FHIT: variants seen among roughly 807,000 people sequenced by gnomAD.
FHIT encodes fragile histidine triad diadenosine triphosphatase, also known as bis(5'-adenosyl)-triphosphatase.
Under a neutral mutation model 17.9 loss-of-function variants are expected in FHIT, and 19 were observed. That is an observed-to-expected ratio of 1.06 (90% CI 0.74 to 1.56). FHIT has a LOEUF of 1.56. FHIT is among the 40% of genes most tolerant of loss of function. FHIT has a pLI of 0.00. For missense variants in FHIT, 248 were observed against 189.2 expected (o/e 1.31, Z -1.82); for synonymous variants, 81 against 69.7 (o/e 1.16, Z -0.81).
intron 5 of FHIT, among the ~76,000 whole-genome samples, chr3:60,107,150 C>CTTTTTTTT (rs540311961): frequency 2.1e-5 from 2 of 95,158 alleles, no homozygotes; most frequent in African/African-American, 8.3e-5. Context: ...AGCTTTAATT[C>CTTTTTTTT]TTTTTTTTTT....
intron 5 of FHIT, among the ~76,000 whole-genome samples, chr3:60,032,427 A>G (rs1012251782): frequency 3.3e-5 from 5 of 151,628 alleles, no homozygotes; most frequent in African/African-American, 9.7e-5. Flanking sequence ...ACTCCAGCCT[A>G]GGTGAAGGAG....
chr3:60,736,156 T>C (rs1317415543), intron 4 of FHIT, among the ~76,000 whole-genome samples: 3 of 152,226 alleles, frequency 2.0e-5, no homozygotes, highest in Admixed American at 6.5e-5. Context: ...AAGTGTTTTC[T>C]AGGCTGTGGA....
At chr3:60,015,456 T>C (rs1700306874) in intron 5 of FHIT, among the ~76,000 whole-genome samples, 1 of 152,194 alleles carries the variant, frequency 6.6e-6, no homozygotes, top group African/African-American at 2.4e-5. Context: ...AAGATAATTA[T>C]CCATCTTTGG....
rs542580463 is a variant in FHIT, at chr3:59,957,677, G to A, written c.280-35263C>T. Among the ~76,000 whole-genome samples the A allele has an allele frequency of 3.9e-5, 6 of 152,242 alleles. No individual in the cohort carries two copies. The South Asian group carries it at 1.0e-3, about 26-fold the overall frequency. The stretch of plus-strand genomic sequence containing the variant: ...TCACTGAGAAAAATATGTCTCAGTG[G>A]CACTTACAGTGCTTTTCACCTGTAA... On this transcript the variant is annotated intron_variant, in intron 7 of 9. Coordinates refer to ENST00000492590, the MANE Select transcript of FHIT (RefSeq NM_002012.4).
intron 4 of FHIT, among the ~76,000 whole-genome samples, chr3:60,719,906 A>AT (rs1396219189): frequency 6.6e-6 from 1 of 152,028 alleles, no homozygotes; most frequent in East Asian, 1.9e-4. Flanking sequence ...ATCTCCTGCA[A>AT]TGGCCACTCA....
At chr3:60,886,342 A>G (rs1705221437) in intron 3 of FHIT, among the ~76,000 whole-genome samples, 1 of 152,260 alleles carries the variant, frequency 6.6e-6, no homozygotes, top group Admixed American at 6.5e-5. Flanking sequence ...GTGATCCAAT[A>G]TTCATGAGAA....
intron 5 of FHIT, among the ~76,000 whole-genome samples, chr3:60,494,370 G>T (rs150632943): frequency 3.5e-4 from 53 of 152,046 alleles, no homozygotes; most frequent in Non-Finnish European, 7.4e-4. Context: ...ATATTTATGG[G>T]GTACATGACA....
rs185950404 is a variant in FHIT at position 60,711,388 on chromosome 3, G to T, written c.-18+110531C>A. ...AGCGCCTCTCCTCCTCCAAAGGAAC[G>T]CAGCTCCTCACCAGCAATGGAACAA... On this transcript the variant is annotated intron_variant, in intron 4 of 9. Transcript: ENST00000492590. Among the ~76,000 whole-genome samples the T allele has an allele frequency of 6.2e-4, 95 of 152,314 alleles. 1 individual carries two copies. Among genetic ancestry groups the T allele is most frequent in the African/African-American group, 2.1e-3 (87 of 41,564 alleles).
chr3:60,301,627 C>G (rs902902360), intron 5 of FHIT, among the ~76,000 whole-genome samples: 1 of 152,170 alleles, frequency 6.6e-6, no homozygotes, highest in Non-Finnish European at 1.5e-5. Flanking sequence ...TGTTGGTTCA[C>G]CTTTGCAACA....
chr3:60,535,202 C>T (rs569794419), intron 5 of FHIT, among the ~76,000 whole-genome samples: 8 of 152,062 alleles, frequency 5.3e-5, no homozygotes, highest in African/African-American at 1.7e-4. Flanking sequence ...TTAGCCTGGG[C>T]TACAGAGTGA....
chr3:59,762,448 T>C (rs1271575083), intron 8 of FHIT, among the ~76,000 whole-genome samples: 1 of 152,108 alleles, frequency 6.6e-6, no homozygotes, highest in Non-Finnish European at 1.5e-5. Context: ...GGAACTTAAA[T>C]CACTCAACCA....
chr3:60,854,482 A>G (rs1703289444), intron 3 of FHIT, among the ~76,000 whole-genome samples: 1 of 151,924 alleles, frequency 6.6e-6, no homozygotes, highest in Non-Finnish European at 1.5e-5. Flanking sequence ...TTTTCATGCA[A>G]CAAGATGTCT....
chr3:60,698,715 T>C (rs1553701283), intron 4 of FHIT, among the ~76,000 whole-genome samples: 3 of 152,176 alleles, frequency 2.0e-5, no homozygotes, highest in Non-Finnish European at 4.4e-5. Context: ...ATATTTTACA[T>C]TGTTTTATTG....
In FHIT at chr3:59,889,242, C is replaced by T. The variant is rs528732529; in HGVS notation, c.348+33104G>A. 2.8e-4 allele frequency among the ~76,000 whole-genome samples: 43 copies of T among 152,298 alleles called. No individual in the cohort carries two copies. The South Asian group carries it at 8.7e-3, about 31-fold the overall frequency. On this transcript the variant is annotated intron_variant, in intron 8 of 9. Coordinates refer to ENST00000492590, the MANE Select transcript of FHIT (RefSeq NM_002012.4). The stretch of plus-strand genomic sequence containing the variant: ...TGACCAATAAAAATGGGACTAGACA[C>T]CAGGCATCAAGAGGCAGTCCAGCCT...
intron 5 of FHIT, among the ~76,000 whole-genome samples, chr3:60,283,347 CATATA>C (rs1707557789): frequency 6.6e-6 from 1 of 151,924 alleles, no homozygotes; most frequent in Admixed American, 6.6e-5. Context: ...GTGACAAAAT[CATATA>C]ATATATATTA....
chr3:60,246,774 A>G (rs1705416610), intron 5 of FHIT, among the ~76,000 whole-genome samples: 1 of 152,142 alleles, frequency 6.6e-6, no homozygotes, highest in Non-Finnish European at 1.5e-5. Context: ...TCATATTGAC[A>G]TTCTCCACAC....
intron 3 of FHIT, among the ~76,000 whole-genome samples, chr3:61,036,264 A>G (rs2033233330): frequency 6.6e-6 from 1 of 152,050 alleles, no homozygotes; most frequent in African/African-American, 2.4e-5. Flanking sequence ...CTCACTCACT[A>G]TTGTGGGGAT....
At chr3:60,906,667 C>T (rs1553764639) in intron 3 of FHIT, among the ~76,000 whole-genome samples, 1 of 152,040 alleles carries the variant, frequency 6.6e-6, no homozygotes, top group African/African-American at 2.4e-5. Context: ...TCAGGGGATC[C>T]CACTGGCTAA....
At chr3:61,067,840 C>G (rs991795966) in intron 2 of FHIT, among the ~76,000 whole-genome samples, 3 of 152,178 alleles carry the variant, frequency 2.0e-5, no homozygotes, top group Non-Finnish European at 4.4e-5. Context: ...CTTTACTGAA[C>G]AACCTGTTTG....
Sources: gnomAD v4.1 joint callset for allele counts (sites outside exome capture counted in the v4.1 genomes callset) on GRCh38, gnomAD v4.1.1 for gene constraint, MANE v1.5 for transcripts, NCBI Gene and HGNC (gene_info 2026-07-23, HGNC 2026-07-21) for gene names.